The following SETMAR variants were observed in gnomAD, a reference collection of about 807,000 sequenced individuals.
SETMAR encodes SET and mariner transposase domain methyltransferase.
Under a neutral mutation model 58.4 loss-of-function variants are expected in SETMAR, and 44 were observed. The observed-to-expected ratio is 0.75, with a 90% confidence interval of 0.59 to 0.97. The LOEUF is 0.97. Among genes scored for constraint, SETMAR ranks in the 50% least tolerant of loss-of-function variants. SETMAR has a pLI of 0.00. For missense variants in SETMAR, 903 were observed against 840.2 expected (o/e 1.07, Z -0.92); for synonymous variants, 332 against 307.4 (o/e 1.08, Z -0.84).
At position 4,313,563 on chromosome 3, in the gene SETMAR, CAAAG is replaced by C. The variant is rs769957669; in HGVS notation, c.827_830del (p.Glu276GlyfsTer2). On this transcript the variant is annotated frameshift_variant, in exon 2 of 3. Coordinates refer to ENST00000358065, the MANE Select transcript of SETMAR (RefSeq NM_006515.4). LOFTEE classifies it high-confidence loss of function. ...ATCTTAATCTAACAGTCAGTGAAGACAAAGAAAGGCTAGATCATGGGAAACTAAG... is the reference window on the plus strand; with the variant it reads ...ATCTTAATCTAACAGTCAGTGAAGACAAAGGCTAGATCATGGGAAACTAAG... The C allele has an allele frequency of 2.5e-5, 41 of 1,613,892 alleles. No individual in the cohort carries two copies. The highest frequency in any genetic ancestry group is 3.4e-5 in the Non-Finnish European group (40 of 1,179,974).
rs369080883 is a variant in SETMAR, at chr3:4,317,148, G to C, written c.1957G>C (p.Val653Leu). The change falls in exon 3 of 3, where the codon GTC (valine) becomes CTC (leucine). Residue 653 changes from valine to leucine, a missense_variant. Physicochemically the swap from Val to Leu is conservative, Grantham distance 32. Coordinates refer to ENST00000358065, the MANE Select transcript of SETMAR (RefSeq NM_006515.4). ...QDAENAFQEFVESQSTDFYAT... is the reference protein window; with the variant it reads ...QDAENAFQEFLESQSTDFYAT... ...TGCAGAAAATGCTTTCCAAGAGTTC[G>C]TCGAATCCCAAAGCACGGATTTTTA... 1 of 1,548,282 alleles carries C rather than the reference G, an allele frequency of 6.5e-7. No homozygotes were observed. The highest frequency in any genetic ancestry group is 8.7e-7 in the Non-Finnish European group (1 of 1,145,370).
intron 1 of SETMAR, among the ~76,000 whole-genome samples, chr3:4,305,704 G>C (rs1270703804): frequency 6.6e-6 from 1 of 152,106 alleles, no homozygotes; most frequent in Non-Finnish European, 1.5e-5. Context: ...ATGCTATATA[G>C]GGTTAAAATT....
chr3:4,303,391 G>A lies in SETMAR; in HGVS notation c.21G>A (p.Lys7=), dbSNP rs747755676. ...GGTAAATGTTCGCGGAAGCGGCAAA[G>A]ACGACACGGCCTTGTGGGATGGCGG... The part of the protein sequence containing the change: MFAEAA[K]TTRPCGMAEF... Residue 7 remains lysine (K), a synonymous_variant, in exon 1 of 3, where the codon AAG becomes AAA. Transcript: ENST00000358065. 3 of 1,559,646 alleles carry A rather than the reference G, an allele frequency of 1.9e-6. No homozygotes were observed. The highest frequency in any genetic ancestry group is 1.2e-5 in the South Asian group (1 of 83,158).
At position 4,316,239 on chromosome 3, in the gene SETMAR, C is replaced by G; in HGVS notation, c.1048C>G (p.Gln350Glu). The G allele has an allele frequency of 1.3e-6, 1 of 743,058 alleles. No individual in the cohort carries two copies. Among genetic ancestry groups the G allele is most frequent in the East Asian group, 2.7e-5 (1 of 37,426 alleles). The allele number at this position is 743,058 out of a possible 1,614,324, so 46.0% of individuals were successfully genotyped here. A position where few individuals can be genotyped will look rare whatever the true frequency, so the allele number is the denominator to read the frequency against. ...TATGAAAATGATGTTAGACAAAAAGCAAATTCGAGCAATTTTCTTATTCGA... is the reference window on the plus strand; with the variant it reads ...TATGAAAATGATGTTAGACAAAAAGGAAATTCGAGCAATTTTCTTATTCGA... ...ETMKMMLDKK[Q>E]IRAIFLFEFK... Residue 350 changes from glutamine (Q) to glutamate (E), a missense_variant, in exon 3 of 3, where the codon CAA (glutamine) becomes GAA (glutamate). Gln to Glu is a conservative substitution (Grantham distance 29, BLOSUM62 2). Transcript: ENST00000358065.
Position 4,317,075 on chromosome 3 carries a change from G to C in SETMAR, c.1884G>C (p.Lys628Asn). 1 of 1,549,220 alleles carries C rather than the reference G, an allele frequency of 6.5e-7. No individual in the cohort carries two copies. The highest frequency in any genetic ancestry group is 8.7e-7 in the Non-Finnish European group (1 of 1,146,618). ...TGCCAACCAACTACCACGTCTTTAA[G>C]CATCTCAACAACTTTTTGCAGGGAA... ...DLLPTNYHVF[K>N]HLNNFLQGKR... is the part of the protein sequence containing the mutation. Residue 628 changes from lysine to asparagine, a missense_variant, in exon 3 of 3, where the codon AAG becomes AAC. Lys to Asn is a moderately conservative substitution (Grantham distance 94). Transcript: ENST00000358065.
chr3:4,306,648 G>A (rs980085083), intron 1 of SETMAR, among the ~76,000 whole-genome samples: 2 of 152,220 alleles, frequency 1.3e-5, no homozygotes, highest in Non-Finnish European at 2.9e-5. Context: ...AAGCCTAAAA[G>A]TGCATTCAAC....
chr3:4,314,422 T>C (rs923681423), intron 2 of SETMAR: 5 of 152,516 alleles, frequency 3.3e-5, no homozygotes, highest in Admixed American at 3.3e-4. Flanking sequence ...CCTACTTAAT[T>C]GTTTCTAAGC....
In SETMAR at chr3:4,313,331, G is replaced by C; in HGVS notation, c.590G>C (p.Arg197Thr). The C allele has an allele frequency of 1.2e-6, 2 of 1,613,634 alleles. No homozygotes were observed. Among genetic ancestry groups the C allele is most frequent in the African/African-American group, 2.7e-5 (2 of 75,026 alleles). Residue 197 changes from arginine to threonine, a missense_variant, in exon 2 of 3, where the codon AGG becomes ACG. Arg to Thr is a moderately conservative substitution (Grantham distance 71). Coordinates refer to ENST00000358065, the MANE Select transcript of SETMAR (RefSeq NM_006515.4). ...GACTCCAATTACATTATAGCCATCA[G>C]GGAACATGTTTATAATGGGCAGGTA... The part of the protein sequence containing the change: ...KSDSNYIIAI[R>T]EHVYNGQVME...
intron 1 of SETMAR, among the ~76,000 whole-genome samples, chr3:4,308,750 G>C (rs1698290532): frequency 6.6e-6 from 1 of 152,120 alleles, no homozygotes; most frequent in Non-Finnish European, 1.5e-5. Context: ...TTTCCTGCCT[G>C]GTCTGCACAC....
Position 4,303,752 on chromosome 3 carries a change from A to G in SETMAR, c.156+226A>G, listed in dbSNP as rs1258907468. 1.2e-5 allele frequency: 18 copies of G among 1,480,120 alleles called. No homozygotes were observed. The East Asian group carries it at 5.0e-4, about 41-fold the overall frequency. 91.7% of individuals were successfully genotyped at this position (1,480,120 alleles called of 1,614,324 possible). A position where few individuals can be genotyped will look rare whatever the true frequency, so the allele number is the denominator to read the frequency against. On this transcript the variant is annotated intron_variant, in intron 1 of 2. Transcript: ENST00000358065. The stretch of plus-strand genomic sequence containing the variant: ...TTGTCCTTTTCAGTCCATTCCCTGA[A>G]GCGCAGAACCGGAGGCCTTGTGAGA...
At chr3:4,307,487 T>A (rs907028393) in intron 1 of SETMAR, among the ~76,000 whole-genome samples, 1 of 152,234 alleles carries the variant, frequency 6.6e-6, no homozygotes, top group Non-Finnish European at 1.5e-5. Context: ...GTTCATGCTA[T>A]TAACAGTAAA....
Position 4,313,276 on chromosome 3 carries a change from C to G in SETMAR, c.535C>G (p.Gln179Glu). The change falls in exon 2 of 3, where the codon CAG (glutamine) becomes GAG (glutamate). Residue 179 changes from glutamine (Q) to glutamate (E), a missense_variant. Physicochemically the swap from Gln to Glu is conservative, Grantham distance 29. Coordinates refer to ENST00000358065, the MANE Select transcript of SETMAR (RefSeq NM_006515.4). ...TGAGGTTTTAGGATTCTCTGAAGTT[C>G]AGAGAAGAATTCACTTACAAACAAA... ...AGEVLGFSEV[Q>E]RRIHLQTKSD... 1.2e-6 allele frequency: 2 copies of G among 1,613,798 alleles called. No individual in the cohort carries two copies. Among genetic ancestry groups the G allele is most frequent in the South Asian group, 2.2e-5 (2 of 91,052 alleles).
chr3:4,303,986 A>C (rs1698070130), intron 1 of SETMAR: 2 of 589,628 alleles, frequency 3.4e-6, no homozygotes, highest in Non-Finnish European at 5.0e-6. Context: ...GGCGAGTGTA[A>C]ATTAGCTGTG....
In SETMAR at chr3:4,317,098, G is replaced by A; in HGVS notation, c.1907G>A (p.Gly636Glu). 6.5e-7 allele frequency: 1 copy of A among 1,547,620 alleles called. No homozygotes were observed. The highest frequency in any genetic ancestry group is 8.7e-7 in the Non-Finnish European group (1 of 1,145,180). ...VFKHLNNFLQGKRFHNQQDAE... is the reference protein window; with the variant it reads ...VFKHLNNFLQEKRFHNQQDAE... Reference sequence around the variant, plus strand: ...AAGCATCTCAACAACTTTTTGCAGGGAAAACGCTTCCACAACCAGCAGGAT... The same window carrying A: ...AAGCATCTCAACAACTTTTTGCAGGAAAAACGCTTCCACAACCAGCAGGAT... Residue 636 changes from glycine (G) to glutamate (E), a missense_variant, in exon 3 of 3, where the codon GGA becomes GAA. Gly to Glu is a moderately conservative substitution (Grantham distance 98). Coordinates refer to ENST00000358065, the MANE Select transcript of SETMAR (RefSeq NM_006515.4).
At chr3:4,312,265 G>T (rs971886972) in intron 1 of SETMAR, among the ~76,000 whole-genome samples, 1 of 151,938 alleles carries the variant, frequency 6.6e-6, no homozygotes, top group African/African-American at 2.4e-5. Flanking sequence ...TCAGGTAAAG[G>T]TAAAAGAGAT....
At chr3:4,305,971 C>G (rs542509274) in intron 1 of SETMAR, among the ~76,000 whole-genome samples, 1 of 152,198 alleles carries the variant, frequency 6.6e-6, no homozygotes, top group East Asian at 1.9e-4. Context: ...GTCAAAAACA[C>G]TGATTTAAAA....
intron 1 of SETMAR, among the ~76,000 whole-genome samples, chr3:4,309,213 T>C (rs1334481487): frequency 1.3e-5 from 2 of 152,248 alleles, no homozygotes; most frequent in East Asian, 3.9e-4. Context: ...AGATTGTAAA[T>C]GTTTTTTATC....
chr3:4,306,425 G>C (rs1044466607), intron 1 of SETMAR, among the ~76,000 whole-genome samples: 7 of 152,132 alleles, frequency 4.6e-5, no homozygotes, highest in African/African-American at 1.4e-4. Context: ...AGTGACAAGA[G>C]GAAGCTTTGT....
chr3:4,303,826 G>T, intron 1 of SETMAR: 5 of 1,362,422 alleles, frequency 3.7e-6, no homozygotes, highest in Non-Finnish European at 4.9e-6. Flanking sequence ...GAGGCATCAC[G>T]GGGGGAGTCA....
Sources: allele counts gnomAD v4.1 joint callset (sites outside exome capture counted in the v4.1 genomes callset), GRCh38; gene constraint gnomAD v4.1.1; transcripts MANE v1.5; gene names NCBI Gene and HGNC (gene_info 2026-07-23, HGNC 2026-07-21).